The following LYZL4 variants were observed in gnomAD, a reference collection of about 807,000 sequenced individuals.
LYZL4 encodes lysozyme-like protein 4.
Under a neutral mutation model 17.6 loss-of-function variants are expected in LYZL4, and 13 were observed. That is an observed-to-expected ratio of 0.74 (90% confidence interval 0.48 to 1.18). The LOEUF is 1.18. Ranked by LOEUF, LYZL4 falls within the 50% of genes most tolerant of loss-of-function variation. The pLI is 0.00. For missense variants in LYZL4, 174 were observed against 188.2 expected (o/e 0.92, Z 0.44); for synonymous variants, 64 against 67.7 (o/e 0.95, Z 0.27).
the LYZL4 span, among the ~76,000 whole-genome samples, chr3:42,373,984 C>T: frequency 6.6e-6 from 1 of 152,170 alleles, no homozygotes; most frequent in African/African-American, 2.4e-5. Context: ...CAAAATGCCT[C>T]ATCATCCTCA....
chr3:42,364,694 G>C, the LYZL4 span, among the ~76,000 whole-genome samples: 1 of 151,520 alleles, frequency 6.6e-6, no homozygotes, highest in African/African-American at 2.4e-5. Context: ...GGCTGGTCTC[G>C]AACTCCTGGC....
chr3:42,389,302 T>C, the LYZL4 span, among the ~76,000 whole-genome samples: 2 of 152,188 alleles, frequency 1.3e-5, no homozygotes, highest in East Asian at 1.9e-4. Flanking sequence ...AGAATTCTTA[T>C]AGTAGGCCAT....
chr3:42,396,279 A>G (rs1352399797), downstream of LYZL4, among the ~76,000 whole-genome samples: 2 of 152,194 alleles, frequency 1.3e-5, no homozygotes, highest in Non-Finnish European at 2.9e-5. Context: ...TATGTTCTCC[A>G]ACCCCCATGA....
intron 4 of LYZL4, among the ~76,000 whole-genome samples, chr3:42,399,151 T>C (rs1221755146): frequency 6.6e-6 from 1 of 152,192 alleles, no homozygotes; most frequent in African/African-American, 2.4e-5. Flanking sequence ...ACTTTACACA[T>C]CTCAATTTTC....
chr3:42,394,664 C>T (rs1013817795), downstream of LYZL4, among the ~76,000 whole-genome samples: 6 of 152,204 alleles, frequency 3.9e-5, no homozygotes, highest in African/African-American at 1.4e-4. Context: ...GATCTGCCCC[C>T]AGAATGAGTG....
At chr3:42,406,720 G>A in intron 3 of LYZL4, 126 bp downstream of exon 3, 1 of 1,210,312 alleles carries the variant, frequency 8.3e-7, no homozygotes, top group Middle Eastern at 1.9e-4. Flanking sequence ...GACCCACCCT[G>A]GATATGGCTC....
the LYZL4 span, among the ~76,000 whole-genome samples, chr3:42,383,047 G>A: frequency 6.6e-6 from 1 of 152,060 alleles, no homozygotes; most frequent in Non-Finnish European, 1.5e-5. Flanking sequence ...CACACAACCA[G>A]GTGCTTGTCC....
chr3:42,410,210 T>C (rs549746292), intron 1 of LYZL4, among the ~76,000 whole-genome samples: 1 of 152,312 alleles, frequency 6.6e-6, no homozygotes, highest in South Asian at 2.1e-4. Flanking sequence ...TCTGGTTTTT[T>C]CTCTTCATTA....
chr3:42,390,726 A>G, the LYZL4 span, among the ~76,000 whole-genome samples: 16 of 152,202 alleles, frequency 1.1e-4, no homozygotes, highest in Non-Finnish European at 4.4e-5. Context: ...TGGTATCTGC[A>G]TAGCATAGGT....
At chr3:42,395,592 ACTT>A (rs1376444974), downstream of LYZL4, among the ~76,000 whole-genome samples, 1 of 152,070 alleles carries the variant, frequency 6.6e-6, no homozygotes, top group Non-Finnish European at 1.5e-5. Context: ...AATGATGAAA[ACTT>A]CTGTTTCCAG....
chr3:42,401,021 A>C (rs1403889465), intron 4 of LYZL4, among the ~76,000 whole-genome samples: 1 of 152,292 alleles, frequency 6.6e-6, no homozygotes, highest in East Asian at 1.9e-4. Flanking sequence ...GACGTCAGAG[A>C]AAAGGGTCTG....
At chr3:42,389,151 A>T in the LYZL4 span, among the ~76,000 whole-genome samples, 1 of 152,208 alleles carries the variant, frequency 6.6e-6, no homozygotes, top group African/African-American at 2.4e-5. Flanking sequence ...GGTGCTCATG[A>T]TGACAGGGTT....
chr3:42,408,910 G>A (rs1406710269), intron 1 of LYZL4, among the ~76,000 whole-genome samples: 2 of 152,084 alleles, frequency 1.3e-5, no homozygotes, highest in African/African-American at 4.8e-5. Flanking sequence ...ATGTTCCTAT[G>A]GGACAAAATT....
the LYZL4 span, among the ~76,000 whole-genome samples, chr3:42,379,522 A>C: frequency 3.3e-5 from 5 of 152,174 alleles, no homozygotes. Flanking sequence ...AAACTACTAC[A>C]TTAGCTCAAG....
chr3:42,404,264 A>C, intron 3 of LYZL4, 140 bp from the exon 4 acceptor site: 1 of 533,770 alleles, frequency 1.9e-6, no homozygotes, highest in African/African-American at 2.0e-5. Flanking sequence ...GATTTTTATT[A>C]GACAACCCTA....
At chr3:42,399,031 T>C (rs1228516587) in intron 4 of LYZL4, among the ~76,000 whole-genome samples, 2 of 151,882 alleles carry the variant, frequency 1.3e-5, no homozygotes, top group African/African-American at 2.4e-5. Context: ...AATAGAAAAA[T>C]GGACTAAGAA....
chr3:42,408,334 G>A (rs1404279537), intron 1 of LYZL4, among the ~76,000 whole-genome samples: 1 of 152,096 alleles, frequency 6.6e-6, no homozygotes. Context: ...AATTCTCATG[G>A]CACTCCCTCT....
chr3:42,381,907 C>T, the LYZL4 span, among the ~76,000 whole-genome samples: 2 of 152,322 alleles, frequency 1.3e-5, no homozygotes, highest in African/African-American at 2.4e-5. Flanking sequence ...CTCTGACTTG[C>T]GCATCTTATT....
chr3:42,386,393 ACGCCCC>A, the LYZL4 span, among the ~76,000 whole-genome samples: 3 of 21,050 alleles, frequency 1.4e-4, no homozygotes, highest in Admixed American at 5.4e-4. Context: ...TTGAGCCACC[ACGCCCC>A]CCCCCCCCCC....
Sources: allele counts gnomAD v4.1 joint callset (sites outside exome capture counted in the v4.1 genomes callset), GRCh38; gene constraint gnomAD v4.1.1; transcripts MANE v1.5; gene names NCBI Gene and HGNC (gene_info 2026-07-23, HGNC 2026-07-21).